COPZ1: variants seen among roughly 807,000 people sequenced by gnomAD.
COPZ1 encodes coatomer subunit zeta-1.
In COPZ1, 4 loss-of-function variants were observed where a neutral mutation model predicts 31.7. That is an observed-to-expected ratio of 0.13 (90% confidence interval 0.06 to 0.29). The LOEUF is 0.29. Among genes scored for constraint, COPZ1 ranks in the 10% least tolerant of loss-of-function variants. COPZ1 has a pLI of 1.00. For synonymous variants in COPZ1, 74 were observed against 79.0 expected (o/e 0.94, Z 0.33); for missense variants, 156 against 211.5 (o/e 0.74, Z 1.63).
At chr12:54,328,114 A>G (rs1953686918) in intron 1 of COPZ1, among the ~76,000 whole-genome samples, 1 of 150,942 alleles carries the variant, frequency 6.6e-6, no homozygotes, top group African/African-American at 2.4e-5. Flanking sequence ...CTCTACTAAA[A>G]ATACAAAAAA....
chr12:54,350,391 C>A, intron 8 of COPZ1, 85 bp from the exon 9 acceptor site: 2 of 1,036,080 alleles, frequency 1.9e-6, no homozygotes, highest in East Asian at 2.4e-5. Context: ...ACAGGGAAGA[C>A]AAGTGAGGGG....
At chr12:54,337,316 C>T in intron 1 of COPZ1, 1 of 533,832 alleles carries the variant, frequency 1.9e-6, no homozygotes, top group Non-Finnish European at 3.9e-6. Context: ...AGCTTTCTAG[C>T]AGCTACCCAT....
chr12:54,337,097 G>C (rs1953885298), intron 1 of COPZ1: 1 of 482,874 alleles, frequency 2.1e-6, no homozygotes, highest in South Asian at 1.6e-5. Flanking sequence ...CTTGTTCTGT[G>C]GTGTTTCACC....
chr12:54,339,085 A>G (rs1953923487), intron 1 of COPZ1, among the ~76,000 whole-genome samples: 1 of 152,142 alleles, frequency 6.6e-6, no homozygotes, highest in Admixed American at 6.6e-5. Context: ...GCAAAGCAAC[A>G]GCCTTGTCTC....
intron 1 of COPZ1, chr12:54,325,570 T>C: frequency 5.6e-6 from 1 of 179,132 alleles, no homozygotes; most frequent in Non-Finnish European, 1.2e-5. Flanking sequence ...TGTTTTGTCG[T>C]TACAGACTCC....
At position 54,350,790 on chromosome 12, in the gene COPZ1, T is replaced by G; in HGVS notation, c.*267T>G. ...CACCCTCTTTCTTTCTAGACTGGATTATGCTCACATGCTCCCTTGCCCTGA... is the reference window on the plus strand; with the variant it reads ...CACCCTCTTTCTTTCTAGACTGGATGATGCTCACATGCTCCCTTGCCCTGA... On this transcript the variant is annotated 3_prime_UTR_variant, in exon 9 of 9. Coordinates refer to ENST00000262061, the MANE Select transcript of COPZ1 (RefSeq NM_016057.3). 1.9e-6 allele frequency: 1 copy of G among 538,310 alleles called. No individual in the cohort carries two copies. 33.3% of individuals were successfully genotyped at this position (538,310 alleles called of 1,614,324 possible).
intron 5 of COPZ1, chr12:54,346,613 A>G (rs1320362799): frequency 7.1e-6 from 5 of 701,546 alleles, no homozygotes; most frequent in Non-Finnish European, 1.3e-5. Context: ...CTTCTGTAGA[A>G]CAGGAAGCAC....
At chr12:54,336,102 C>T (rs1305744821) in intron 1 of COPZ1, among the ~76,000 whole-genome samples, 1 of 152,198 alleles carries the variant, frequency 6.6e-6, no homozygotes, top group African/African-American at 2.4e-5. Flanking sequence ...AGTATCCTCT[C>T]TACCTTCCCC....
intron 3 of COPZ1, among the ~76,000 whole-genome samples, chr12:54,343,024 T>A (rs772215201): frequency 3.3e-5 from 5 of 151,838 alleles, no homozygotes; most frequent in Non-Finnish European, 5.9e-5. Flanking sequence ...GCCCGGCTAA[T>A]TTTTGTATTT....
chr12:54,331,525 C>G (rs1025400940), intron 1 of COPZ1, among the ~76,000 whole-genome samples: 2 of 152,086 alleles, frequency 1.3e-5, no homozygotes, highest in Non-Finnish European at 2.9e-5. Context: ...GCCAATTGCC[C>G]TGGATAGCTC....
At position 54,339,976 on chromosome 12, in the gene COPZ1, TGTGC is replaced by T. The variant is rs1324714633; in HGVS notation, c.19-567_19-564del. On this transcript the variant is annotated intron_variant, in intron 1 of 8. Coordinates refer to ENST00000262061, the MANE Select transcript of COPZ1 (RefSeq NM_016057.3). Reference sequence around the variant, plus strand: ...AGGCTGCATTGAGAACTGGTGTGCCTGTGCGTGTGTGTGTGTGTGTGTGTGTGTG... The same window carrying T: ...AGGCTGCATTGAGAACTGGTGTGCCTGTGTGTGTGTGTGTGTGTGTGTGTG... 3.2e-4 allele frequency among the ~76,000 whole-genome samples: 40 copies of T among 123,940 alleles called. 2 individuals carry two copies. Among genetic ancestry groups the T allele is most frequent in the Admixed American group, 3.1e-3 (36 of 11,792 alleles). 81.3% of individuals were successfully genotyped at this position (123,940 alleles called of 152,430 possible). A position where few individuals can be genotyped will look rare whatever the true frequency, so the allele number is the denominator to read the frequency against.
At position 54,345,457 on chromosome 12, in the gene COPZ1, C is replaced by T; in HGVS notation, c.262-3C>T. ...TCCTTCTGCCTCCTCTGTTTCCCAA[C>T]AGCTGATGCTTATGGCTGTTCTGAA... On this transcript the variant is annotated splice_polypyrimidine_tract_variant and splice_region_variant and intron_variant, in intron 4 of 8. Coordinates refer to ENST00000262061, the MANE Select transcript of COPZ1 (RefSeq NM_016057.3). 2 of 1,612,802 alleles carry T rather than the reference C, an allele frequency of 1.2e-6. No homozygotes were observed. Among genetic ancestry groups the T allele is most frequent in the Non-Finnish European group, 1.7e-6 (2 of 1,178,874 alleles).
At chr12:54,330,044 C>G (rs1162385072) in intron 1 of COPZ1, among the ~76,000 whole-genome samples, 1 of 152,172 alleles carries the variant, frequency 6.6e-6, no homozygotes, top group African/African-American at 2.4e-5. Flanking sequence ...CCCTGTGCCC[C>G]TCTCCCAGCT....
At chr12:54,325,338 A>T in intron 1 of COPZ1, 157 bp downstream of exon 1, 1 of 1,015,344 alleles carries the variant, frequency 9.8e-7, no homozygotes, top group Non-Finnish European at 1.4e-6. Flanking sequence ...CTAGTGTAGG[A>T]GCTAAAGCCT....
intron 1 of COPZ1, among the ~76,000 whole-genome samples, chr12:54,331,737 TA>T (rs1180129071): frequency 6.6e-6 from 1 of 151,202 alleles, no homozygotes; most frequent in Non-Finnish European, 1.5e-5. Context: ...TGGGGGGGAG[TA>T]AAGGGATAAA....
chr12:54,325,997 T>C (rs1435128792), intron 1 of COPZ1, among the ~76,000 whole-genome samples: 1 of 150,912 alleles, frequency 6.6e-6, no homozygotes, highest in Admixed American at 6.6e-5. Context: ...TTTTTTGTAT[T>C]TTTAGTAGAG....
intron 1 of COPZ1, among the ~76,000 whole-genome samples, chr12:54,331,786 G>A (rs1953760149): frequency 6.6e-6 from 1 of 152,064 alleles, no homozygotes; most frequent in African/African-American, 2.4e-5. Context: ...CATCAGGAAT[G>A]GATCTAGCCC....
chr12:54,343,846 A>T (rs923525866), intron 4 of COPZ1, among the ~76,000 whole-genome samples: 1 of 152,240 alleles, frequency 6.6e-6, no homozygotes, highest in African/African-American at 2.4e-5. Flanking sequence ...CAAAAGTGAA[A>T]GTTTGAGAAA....
At chr12:54,329,322 G>C (rs930934916) in intron 1 of COPZ1, among the ~76,000 whole-genome samples, 1 of 151,952 alleles carries the variant, frequency 6.6e-6, no homozygotes, top group Non-Finnish European at 1.5e-5. Flanking sequence ...TACTCGGGCC[G>C]GGCTCGGTGG....
Sources: gnomAD v4.1 joint callset for allele counts (sites outside exome capture counted in the v4.1 genomes callset) on GRCh38, gnomAD v4.1.1 for gene constraint, MANE v1.5 for transcripts, NCBI Gene and HGNC (gene_info 2026-07-23, HGNC 2026-07-21) for gene names.